RAD17: variants seen among roughly 807,000 people sequenced by gnomAD.
RAD17 encodes RAD17 checkpoint clamp loader component.
A neutral mutation model predicts 81.5 loss-of-function variants in RAD17; 31 were observed. That is an observed-to-expected ratio of 0.38 (90% CI 0.29 to 0.51). RAD17 has a LOEUF of 0.51. Among genes scored for constraint, RAD17 ranks in the 20% least tolerant of loss-of-function variants. The pLI is 0.88. For synonymous variants in RAD17, 261 were observed against 266.2 expected (o/e 0.98, Z 0.19); for missense variants, 681 against 781.2 (o/e 0.87, Z 1.53).
chr5:69,386,602 T>C (rs1207551727), intron 11 of RAD17, 137 bp downstream of exon 11: 1 of 1,073,516 alleles, frequency 9.3e-7, no homozygotes, highest in Non-Finnish European at 1.2e-6. Context: ...CATGTCATTT[T>C]AGCAAATGTA....
chr5:69,379,211 G>A (rs1209469812), intron 6 of RAD17, among the ~76,000 whole-genome samples: 1 of 152,028 alleles, frequency 6.6e-6, no homozygotes, highest in African/African-American at 2.4e-5. Flanking sequence ...GCCCCAGCCT[G>A]GGCAACAGAA....
chr5:69,369,880 G>T lies in RAD17; in HGVS notation c.-470G>T. 1.6e-6 allele frequency: 1 copy of T among 621,518 alleles called. No homozygotes were observed. The allele number at this position is 621,518 out of a possible 1,614,324, so 38.5% of individuals were successfully genotyped here. A position where few individuals can be genotyped will look rare whatever the true frequency, so the allele number is the denominator to read the frequency against. ...CCAGGTGGCTGCCCTTTCACCTAGG[G>T]TAGTCCCTGGTCGCCTCCGCTCTTC... On this transcript the variant is annotated 5_prime_UTR_variant, in exon 1 of 19. Transcript: ENST00000354868.
intron 18 of RAD17, among the ~76,000 whole-genome samples, chr5:69,410,965 C>CTGTATATATATATATA (rs35777347): frequency 2.2e-5 from 2 of 90,264 alleles, no homozygotes; most frequent in African/African-American, 9.9e-5. Context: ...AGATGTCTGT[C>CTGTATATATATATATA]TATATATATA....
intron 6 of RAD17, among the ~76,000 whole-genome samples, chr5:69,379,850 G>A (rs1763736812): frequency 6.6e-6 from 1 of 151,702 alleles, no homozygotes; most frequent in African/African-American, 2.4e-5. Flanking sequence ...AGTACCTCCT[G>A]AAGGACTTGC....
chr5:69,406,113 A>G (rs1765587476), intron 17 of RAD17, among the ~76,000 whole-genome samples: 1 of 152,068 alleles, frequency 6.6e-6, no homozygotes, highest in South Asian at 2.1e-4. Context: ...GTTTTATTGC[A>G]GCATTATTCA....
chr5:69,381,880 C>T, intron 6 of RAD17, 21 bp from the exon 7 acceptor site: 1 of 1,536,536 alleles, frequency 6.5e-7, no homozygotes, highest in South Asian at 1.2e-5. Flanking sequence ...GTTTTTAATT[C>T]ATATTTGTAT....
At chr5:69,369,711 G>A (rs865835858), upstream of RAD17, 3 of 1,551,362 alleles carry the variant, frequency 1.9e-6, no homozygotes, top group African/African-American at 1.4e-5. Context: ...CATAACTCGG[G>A]TCGGTACTTC....
At position 69,393,500 on chromosome 5, in the gene RAD17, T is replaced by C. The variant is rs1241697315; in HGVS notation, c.1422T>C (p.Asn474=). 7 of 1,592,834 alleles carry C rather than the reference T, an allele frequency of 4.4e-6. No individual in the cohort carries two copies. The South Asian group carries it at 5.8e-5, about 13-fold the overall frequency. ...SFADILSGDW[N]TRSLLREYST... ...CAGATATCCTCAGTGGTGACTGGAATGTAAGACCATTTGACTTAAAATGTT... is the reference window on the plus strand; with the variant it reads ...CAGATATCCTCAGTGGTGACTGGAACGTAAGACCATTTGACTTAAAATGTT... The change falls in exon 15 of 19, where the codon AAT becomes AAC. Residue 474 remains asparagine (N), a splice_region_variant and synonymous_variant. Transcript: ENST00000354868.
Position 69,400,164 on chromosome 5 carries a change from A to G in RAD17, c.1688A>G (p.Asn563Ser). The G allele has an allele frequency of 6.5e-7, 1 of 1,530,748 alleles. No homozygotes were observed. The highest frequency in any genetic ancestry group is 2.4e-5 in the East Asian group (1 of 40,846). The allele number at this position is 1,530,748 out of a possible 1,614,324, so 94.8% of individuals were successfully genotyped here. A position where few individuals can be genotyped will look rare whatever the true frequency, so the allele number is the denominator to read the frequency against. The change falls in exon 17 of 19, where the codon AAT becomes AGT. Residue 563 changes from asparagine to serine, a missense_variant. Transcript: ENST00000354868. The stretch of plus-strand genomic sequence containing the variant: ...GCTCTACTAACCATTCCAATGAGAA[A>G]TCAAGGTAATAACATAGGTTTTTCT... ...YLALLTIPMR[N>S]QAQISFIQDI...
chr5:69,410,319 G>A (rs776620023), intron 17 of RAD17, among the ~76,000 whole-genome samples, 174 bp from the exon 18 acceptor site: 8 of 152,064 alleles, frequency 5.3e-5, no homozygotes, highest in African/African-American at 9.7e-5. Flanking sequence ...CACACTTCTT[G>A]TTTTCTGGTT....
chr5:69,381,397 C>T (rs1206841959), intron 6 of RAD17, among the ~76,000 whole-genome samples: 5 of 151,708 alleles, frequency 3.3e-5, no homozygotes, highest in Non-Finnish European at 5.9e-5. Context: ...AGGAGAATGG[C>T]GTGAACCCGG....
rs950640829 is a variant in RAD17, at chr5:69,371,445, C to G, written c.-279-9C>G. 31 of 524,158 alleles carry G rather than the reference C, an allele frequency of 5.9e-5. 3 individuals are homozygous for G. Among genetic ancestry groups the G allele is most frequent in the Admixed American group, 2.6e-4 (7 of 26,868 alleles). 32.5% of individuals were successfully genotyped at this position (524,158 alleles called of 1,614,324 possible). A position where few individuals can be genotyped will look rare whatever the true frequency, so the allele number is the denominator to read the frequency against. On this transcript the variant is annotated splice_polypyrimidine_tract_variant and intron_variant, in intron 2 of 18. Coordinates refer to ENST00000354868, the MANE Select transcript of RAD17 (RefSeq NM_133338.3). Reference sequence around the variant, plus strand: ...TCATTTGAGGGCTTCTTCCCCCCCCCCCCCCCAGGTGAATTATAGTTTAAT... The same window carrying G: ...TCATTTGAGGGCTTCTTCCCCCCCCGCCCCCCAGGTGAATTATAGTTTAAT...
rs376268114 is a variant in RAD17 at position 69,404,390 on chromosome 5, G to A, written c.1693+4221G>A. On this transcript the variant is annotated intron_variant, in intron 17 of 18. Coordinates refer to ENST00000354868, the MANE Select transcript of RAD17 (RefSeq NM_133338.3). Reference sequence around the variant, plus strand: ...AATCAAAATATATAAGGAACTCAAAGAATGCAATAGTAAGAAAACAACCCA... The same window carrying A: ...AATCAAAATATATAAGGAACTCAAAAAATGCAATAGTAAGAAAACAACCCA... Among the ~76,000 whole-genome samples, 13 of 152,162 alleles carry A rather than the reference G, an allele frequency of 8.5e-5. 1 individual carries two copies. The South Asian group carries it at 2.7e-3, about 32-fold the overall frequency.
intron 4 of RAD17, among the ~76,000 whole-genome samples, chr5:69,372,657 G>C (rs1763079080): frequency 6.6e-6 from 1 of 151,876 alleles, no homozygotes; most frequent in South Asian, 2.1e-4. Context: ...TGTTGCCCGG[G>C]CTGGAGTGCA....
At chr5:69,379,247 T>G (rs560222732) in intron 6 of RAD17, among the ~76,000 whole-genome samples, 1 of 151,824 alleles carries the variant, frequency 6.6e-6, no homozygotes, top group Non-Finnish European at 1.5e-5. Flanking sequence ...AAAAAAAAAA[T>G]ATTTTTTGGT....
At chr5:69,398,191 A>C (rs1765021936) in intron 16 of RAD17, among the ~76,000 whole-genome samples, 1 of 152,242 alleles carries the variant, frequency 6.6e-6, no homozygotes, top group Non-Finnish European at 1.5e-5. Context: ...TATGTATGTA[A>C]GGTAATGCAT....
intron 16 of RAD17, among the ~76,000 whole-genome samples, chr5:69,398,614 T>TGAC (rs753167575): frequency 6.6e-6 from 1 of 151,944 alleles, no homozygotes; most frequent in Non-Finnish European, 1.5e-5. Flanking sequence ...GAGACCAGCC[T>TGAC]GACTAACATG....
intron 13 of RAD17, chr5:69,392,887 A>G (rs1231884607): frequency 2.1e-6 from 1 of 470,854 alleles, no homozygotes; most frequent in Non-Finnish European, 3.9e-6. Context: ...CCCAAAGCTG[A>G]AAAAGGTGAA....
intron 18 of RAD17, among the ~76,000 whole-genome samples, chr5:69,411,314 G>A (rs1163351973): frequency 6.6e-6 from 1 of 151,922 alleles, no homozygotes; most frequent in East Asian, 1.9e-4. Flanking sequence ...AGGAGGCTGA[G>A]GCAGGAGAAT....
Sources: allele counts gnomAD v4.1 joint callset (sites outside exome capture counted in the v4.1 genomes callset), GRCh38; gene constraint gnomAD v4.1.1; transcripts MANE v1.5; gene names NCBI Gene and HGNC (gene_info 2026-07-23, HGNC 2026-07-21).